Variants in UNC13C observed in about 807,000 individuals in gnomAD.
UNC13C encodes unc-13 homolog C.
UNC13C carries 174 observed loss-of-function variants against 245.4 expected under a neutral mutation model. The observed-to-expected ratio is 0.71, with a 90% CI of 0.63 to 0.80. The LOEUF is 0.80. UNC13C is among the 30% of genes least tolerant of loss of function. The pLI is 0.00. For synonymous variants in UNC13C, 992 were observed against 895.1 expected (o/e 1.11, Z -1.93); for missense variants, 2,829 against 2,602.9 (o/e 1.09, Z -1.89).
chr15:54,300,843 G>A (rs1442469469), intron 13 of UNC13C, among the ~76,000 whole-genome samples: 1 of 152,100 alleles, frequency 6.6e-6, no homozygotes, highest in African/African-American at 2.4e-5. Flanking sequence ...CAGGTCCAGA[G>A]CTATTATGGT....
At chr15:53,880,235 T>C in the UNC13C span, among the ~76,000 whole-genome samples, 1 of 152,164 alleles carries the variant, frequency 6.6e-6, no homozygotes, top group Non-Finnish European at 1.5e-5. Flanking sequence ...ATAAGAGCTC[T>C]TGAAGCACGG....
intron 2 of UNC13C, among the ~76,000 whole-genome samples, chr15:54,129,666 T>C (rs2031283895): frequency 6.6e-6 from 1 of 151,822 alleles, no homozygotes; most frequent in African/African-American, 2.4e-5. Context: ...ATCCATTTCC[T>C]TAAGTTTGAC....
At chr15:53,980,107 G>A (rs1893865816) in intron 1 of UNC13C, among the ~76,000 whole-genome samples, 1 of 152,104 alleles carries the variant, frequency 6.6e-6, no homozygotes, top group Non-Finnish European at 1.5e-5. Context: ...AAGTTCAAAT[G>A]CAATAGAGGT....
chr15:54,597,305 A>G (rs1037647128), intron 30 of UNC13C, among the ~76,000 whole-genome samples: 1 of 152,172 alleles, frequency 6.6e-6, no homozygotes, highest in Non-Finnish European at 1.5e-5. Flanking sequence ...CAGGAAGGTA[A>G]GAGCCAAGGG....
the UNC13C span, among the ~76,000 whole-genome samples, chr15:53,916,307 A>G: frequency 0.066 from 10,128 of 152,314 alleles, 497 homozygotes; most frequent in East Asian, 0.22. Flanking sequence ...AAGTAGTCCA[A>G]CATGATCCAT....
intron 2 of UNC13C, among the ~76,000 whole-genome samples, chr15:54,126,626 T>G (rs1159803112): frequency 6.6e-6 from 1 of 152,064 alleles, no homozygotes; most frequent in Non-Finnish European, 1.5e-5. Context: ...ATGTAGGCAA[T>G]ACCATTCAGG....
chr15:53,944,182 G>A, the UNC13C span, among the ~76,000 whole-genome samples: 1 of 151,910 alleles, frequency 6.6e-6, no homozygotes, highest in East Asian at 1.9e-4. Context: ...CTTCCTAATT[G>A]ATGTGTCTTA....
the UNC13C span, among the ~76,000 whole-genome samples, chr15:53,855,715 C>G: frequency 6.6e-6 from 1 of 152,092 alleles, no homozygotes; most frequent in Non-Finnish European, 1.5e-5. Context: ...GGATAATTCA[C>G]CATCGATGTT....
intron 23 of UNC13C, among the ~76,000 whole-genome samples, chr15:54,508,881 T>C (rs1894600374): frequency 6.6e-6 from 1 of 152,156 alleles, no homozygotes; most frequent in South Asian, 2.1e-4. Context: ...TAGAAACATC[T>C]AAAGATAGAC....
intron 30 of UNC13C, among the ~76,000 whole-genome samples, chr15:54,608,836 C>T (rs533803040): frequency 6.6e-6 from 1 of 152,186 alleles, no homozygotes; most frequent in East Asian, 1.9e-4. Context: ...CCTTATCTTG[C>T]TATACTGTCC....
chr15:54,124,177 G>A (rs1406191001), intron 2 of UNC13C, among the ~76,000 whole-genome samples: 1 of 152,138 alleles, frequency 6.6e-6, no homozygotes, highest in Non-Finnish European at 1.5e-5. Context: ...AGATTTTTGT[G>A]TAGACATATT....
intron 2 of UNC13C, among the ~76,000 whole-genome samples, chr15:54,134,531 G>A (rs890245895): frequency 6.6e-6 from 1 of 151,724 alleles, no homozygotes; most frequent in African/African-American, 2.4e-5. Flanking sequence ...TTTGAGACGG[G>A]GTCTCGGAGT....
chr15:54,472,752 T>C (rs35952234), intron 19 of UNC13C, among the ~76,000 whole-genome samples: 1 of 151,572 alleles, frequency 6.6e-6, no homozygotes. Flanking sequence ...TTCTGAAATA[T>C]GTACTGATAA....
chr15:54,240,006 T>C (rs559399742), intron 7 of UNC13C, among the ~76,000 whole-genome samples: 202 of 152,348 alleles, frequency 1.3e-3, no homozygotes, highest in Non-Finnish European at 2.4e-3. Context: ...ATTTGACAAG[T>C]TAACAGGAAA....
chr15:54,056,984 T>C (rs918471646), intron 2 of UNC13C, among the ~76,000 whole-genome samples: 2 of 152,102 alleles, frequency 1.3e-5, no homozygotes, highest in Non-Finnish European at 2.9e-5. Flanking sequence ...AAGGAACAAC[T>C]GGTACCAGCC....
intron 2 of UNC13C, among the ~76,000 whole-genome samples, chr15:54,082,125 T>C (rs945506779): frequency 6.6e-6 from 1 of 152,194 alleles, no homozygotes; most frequent in Non-Finnish European, 1.5e-5. Flanking sequence ...TAATTTCTTC[T>C]GGTTTAGAAG....
chr15:53,840,810 C>A, the UNC13C span, among the ~76,000 whole-genome samples: 15 of 152,172 alleles, frequency 9.9e-5, no homozygotes, highest in African/African-American at 3.6e-4. Flanking sequence ...GTGACCAGAG[C>A]AAGTATAAGT....
At chr15:53,905,038 A>C in the UNC13C span, among the ~76,000 whole-genome samples, 2 of 152,274 alleles carry the variant, frequency 1.3e-5, no homozygotes, top group South Asian at 4.1e-4. Context: ...ACAAGCAGAT[A>C]TGACTTATAT....
chr15:54,253,621 G>A (rs2036208249), intron 8 of UNC13C, among the ~76,000 whole-genome samples: 1 of 152,134 alleles, frequency 6.6e-6, no homozygotes, highest in Non-Finnish European at 1.5e-5. Flanking sequence ...ATTTGGTGGT[G>A]AAATAATTTA....
Sources: allele counts gnomAD v4.1 joint callset (sites outside exome capture counted in the v4.1 genomes callset), GRCh38; gene constraint gnomAD v4.1.1; transcripts MANE v1.5; gene names NCBI Gene and HGNC (gene_info 2026-07-23, HGNC 2026-07-21).